The following MYO16 variants were observed in gnomAD, a reference collection of about 807,000 sequenced individuals.
MYO16 encodes the protein unconventional myosin-XVI.
A neutral mutation model predicts 205.3 loss-of-function variants in MYO16; 94 were observed. The ratio of observed to expected loss-of-function variants is 0.46; its 90% CI spans 0.39 to 0.54. The LOEUF is 0.54. Among genes scored for constraint, MYO16 ranks in the 20% least tolerant of loss-of-function variants. MYO16 has a pLI of 0.00. For synonymous variants in MYO16, 988 were observed against 954.0 expected, an observed-to-expected ratio of 1.04 and a Z score of -0.66; for missense variants, 2,315 against 2,387.5, an observed-to-expected ratio of 0.97 and a Z score of 0.63.
At chr13:108,722,048 A>G (rs2139572704) in intron 3 of MYO16, among the ~76,000 whole-genome samples, 1 of 152,324 alleles carries the variant, frequency 6.6e-6, no homozygotes, top group South Asian at 2.1e-4. Context: ...GAAATCGTCA[A>G]TAATTTTAAA....
At chr13:109,053,763 A>C (rs1594505795) in intron 25 of MYO16, among the ~76,000 whole-genome samples, 1 of 152,190 alleles carries the variant, frequency 6.6e-6, no homozygotes, top group Admixed American at 6.6e-5. Context: ...AACTGCCTTC[A>C]TCCATGCACA....
chr13:108,859,818 C>A (rs182132464), intron 11 of MYO16, among the ~76,000 whole-genome samples: 22 of 151,972 alleles, frequency 1.4e-4, no homozygotes, highest in African/African-American at 3.4e-4. Flanking sequence ...ATAAAAAAAA[C>A]CCCACAAAGT....
chr13:108,937,745 G>A (rs982076021), intron 16 of MYO16, among the ~76,000 whole-genome samples: 5 of 152,096 alleles, frequency 3.3e-5, no homozygotes, highest in African/African-American at 1.2e-4. Context: ...ATCTCTGATT[G>A]ATTTCTTTAA....
chr13:109,089,162 T>C (rs904774246), intron 27 of MYO16, among the ~76,000 whole-genome samples: 4 of 151,734 alleles, frequency 2.6e-5, no homozygotes, highest in Non-Finnish European at 5.9e-5. Context: ...GAGAATAGCA[T>C]AGAGTCTTGC....
At chr13:108,968,410 G>C (rs1045293348) in intron 20 of MYO16, among the ~76,000 whole-genome samples, 16 of 152,130 alleles carry the variant, frequency 1.1e-4, no homozygotes, top group Non-Finnish European at 2.1e-4. Context: ...AGAAATTCAA[G>C]ACCAGGCTGA....
intron 7 of MYO16, among the ~76,000 whole-genome samples, chr13:108,809,873 G>C (rs1224264422): frequency 1.3e-5 from 2 of 152,170 alleles, no homozygotes; most frequent in Non-Finnish European, 2.9e-5. Flanking sequence ...AGCCTTGATT[G>C]TTCTTTTTCC....
At chr13:108,628,256 G>A (rs943800490), upstream of MYO16, among the ~76,000 whole-genome samples, 3 of 152,124 alleles carry the variant, frequency 2.0e-5, no homozygotes, top group African/African-American at 4.8e-5. Context: ...TGGAATCAAC[G>A]AATAAATGAG....
intron 13 of MYO16, among the ~76,000 whole-genome samples, chr13:108,886,049 G>A (rs1313796420): frequency 6.6e-6 from 1 of 151,984 alleles, no homozygotes; most frequent in Non-Finnish European, 1.5e-5. Context: ...GTGCAGTGGC[G>A]CGATCTGGGC....
the MYO16 span, among the ~76,000 whole-genome samples, chr13:108,525,314 T>C: frequency 6.6e-6 from 1 of 152,234 alleles, no homozygotes; most frequent in Non-Finnish European, 1.5e-5. Flanking sequence ...CTCCCCAGTT[T>C]GAAGTGCACG....
chr13:109,100,822 A>G lies in MYO16; in HGVS notation c.3373A>G (p.Lys1125Glu). Residue 1125 changes from lysine (K) to glutamate (E), a missense_variant, in exon 28 of 35, where the codon AAG becomes GAG. Lys to Glu is a moderately conservative substitution (Grantham distance 56, BLOSUM62 1). Around this residue, in one of 3 missense-constraint regions of MYO16, gnomAD observed 1,097 missense variants for 1,092.0 expected, o/e 1.00. Coordinates refer to ENST00000457511, the MANE Select transcript of MYO16 (RefSeq NM_001198950.3). ...PLADTFLREK[K>E]EQSAAERCRL... is the part of the protein sequence containing the mutation. ...GGCTGATACATTCCTGCGTGAGAAGAAGGAACAGTCAGCTGCCGAGCGATG... is the reference window on the plus strand; with the variant it reads ...GGCTGATACATTCCTGCGTGAGAAGGAGGAACAGTCAGCTGCCGAGCGATG... 1 of 1,613,688 alleles carries G rather than the reference A, an allele frequency of 6.2e-7. No individual in the cohort carries two copies. The highest frequency in any genetic ancestry group is 1.1e-5 in the South Asian group (1 of 91,058).
chr13:109,054,124 G>A (rs765663968), intron 25 of MYO16, among the ~76,000 whole-genome samples: 7 of 151,968 alleles, frequency 4.6e-5, no homozygotes, highest in African/African-American at 1.4e-4. Context: ...TTAACCCTGG[G>A]TGGAATTTAA....
chr13:108,918,681 G>T (rs570330754), intron 16 of MYO16, among the ~76,000 whole-genome samples: 7 of 152,358 alleles, frequency 4.6e-5, no homozygotes, highest in Admixed American at 3.9e-4. Flanking sequence ...GCTCACGCCT[G>T]TAATCGCAGC....
At position 109,140,491 on chromosome 13, in the gene MYO16, G is replaced by A. The variant is rs755774839; in HGVS notation, c.4279G>A (p.Glu1427Lys). The A allele has an allele frequency of 5.2e-6, 8 of 1,545,240 alleles. No homozygotes were observed. The highest frequency in any genetic ancestry group is 2.4e-5 in the South Asian group (2 of 85,024). Residue 1427 changes from glutamate (E) to lysine (K), a missense_variant, in exon 32 of 35, where the codon GAG becomes AAG. By Grantham distance (56) the Glu-to-Lys change is moderately conservative. Around this residue, in one of 3 missense-constraint regions of MYO16, gnomAD observed 1,097 missense variants for 1,092.0 expected, o/e 1.00. Transcript: ENST00000457511. This position sits in a 1 kb window ranked among gnomAD's most constrained non-coding sequence, Gnocchi z 8.0. ...GCCCCCGGCGGCGCCTCCGGGTGACGAGGACGACAGCGAGCCTGTGTACAT... is the reference window on the plus strand; with the variant it reads ...GCCCCCGGCGGCGCCTCCGGGTGACAAGGACGACAGCGAGCCTGTGTACAT... ...ALPPAAPPGD[E>K]DDSEPVYIEM...
chr13:108,920,368 CT>C (rs377560594), intron 16 of MYO16, among the ~76,000 whole-genome samples: 33 of 150,046 alleles, frequency 2.2e-4, no homozygotes, highest in African/African-American at 5.2e-4. Flanking sequence ...TTCTTTCTCT[CT>C]TTCTTTCCTT....
intron 28 of MYO16, among the ~76,000 whole-genome samples, chr13:109,117,239 G>A (rs1875737946): frequency 6.6e-6 from 1 of 151,752 alleles, no homozygotes; most frequent in Non-Finnish European, 1.5e-5. Context: ...TTATGCAAGG[G>A]CTTCACAATT....
intron 2 of MYO16, among the ~76,000 whole-genome samples, chr13:108,692,163 A>T (rs530513297): frequency 6.6e-6 from 1 of 152,376 alleles, no homozygotes; most frequent in South Asian, 2.1e-4. Flanking sequence ...CAGTATATTT[A>T]AGCTAATCAG....
rs139404617 is a variant in MYO16 at position 108,638,033 on chromosome 13, A to T, written c.28+8161A>T. ...GCATCAACTAATGTGAGAAAAATAA[A>T]GGTGTTTAACGAACTACTGAGTGAC... On this transcript the variant is annotated intron_variant, in intron 1 of 34. Coordinates refer to ENST00000457511, the MANE Select transcript of MYO16 (RefSeq NM_001198950.3). 4.7e-4 allele frequency among the ~76,000 whole-genome samples: 71 copies of T among 152,294 alleles called. No homozygotes were observed. In the East Asian group the frequency reaches 0.012, roughly 27 times the overall value.
intron 11 of MYO16, among the ~76,000 whole-genome samples, chr13:108,856,305 C>T (rs1878168856): frequency 6.6e-6 from 1 of 152,146 alleles, no homozygotes; most frequent in Non-Finnish European, 1.5e-5. Context: ...TACCAGCTAT[C>T]CCTTTTTGAT....
chr13:109,124,282 G>T (rs536147775), intron 29 of MYO16, among the ~76,000 whole-genome samples: 1 of 152,322 alleles, frequency 6.6e-6, no homozygotes, highest in African/African-American at 2.4e-5. Context: ...GCAGGCTAAG[G>T]AAATGTAGTT....
Sources: allele counts gnomAD v4.1 joint callset (sites outside exome capture counted in the v4.1 genomes callset), GRCh38; gene constraint gnomAD v4.1.1; regional missense constraint gnomAD v4.1.1; non-coding constraint Gnocchi (gnomAD v3.1); transcripts MANE v1.5; gene names NCBI Gene and HGNC (gene_info 2026-07-23, HGNC 2026-07-21).